The following ANKRD11 variants were observed in gnomAD, a reference collection of about 807,000 sequenced individuals.
The protein encoded by ANKRD11 is ankyrin repeat domain 11.
A neutral mutation model predicts 195.7 loss-of-function variants in ANKRD11; 17 were observed. The ratio of observed to expected loss-of-function variants is 0.09; its 90% CI spans 0.06 to 0.13. The LOEUF is 0.13. ANKRD11 is among the 10% of genes least tolerant of loss of function. The pLI, the probability that ANKRD11 is intolerant of heterozygous loss-of-function variation, is 1.00. For missense variants in ANKRD11, 3,735 were observed against 3,566.1 expected (o/e 1.05, Z -1.21); for synonymous variants, 1,953 against 1,528.1 (o/e 1.28, Z -6.49).
chr16:89,285,783 C>T lies in ANKRD11; in HGVS notation c.893-134G>A, dbSNP rs1192847884. On this transcript the variant is annotated intron_variant, in intron 8 of 12. Coordinates refer to ENST00000301030, the MANE Select transcript of ANKRD11 (RefSeq NM_013275.6). This position sits in a 1 kb window ranked among gnomAD's most constrained non-coding sequence, Gnocchi z 5.6. The stretch of plus-strand genomic sequence containing the variant: ...GCCTCTGCAGAGACACTTTGCTCGA[C>T]TCATGGAAACCAGCCACAGGCAGGA... 1.8e-6 allele frequency: 2 copies of T among 1,126,006 alleles called. No homozygotes were observed. Among genetic ancestry groups the T allele is most frequent in the East Asian group, 5.0e-5 (2 of 39,944 alleles). The allele number at this position is 1,126,006 out of a possible 1,614,324, so 69.8% of individuals were successfully genotyped here.
Position 89,283,247 on chromosome 16 carries a change from A to C in ANKRD11, c.3295T>G (p.Phe1099Val). Reference sequence around the variant, plus strand: ...TTCTTGTCATCTTTTTTTTCAGAGAAGTCTTCTGAGATGATCCCAGGGAAA... The same window carrying C: ...TTCTTGTCATCTTTTTTTTCAGAGACGTCTTCTGAGATGATCCCAGGGAAA... The part of the protein sequence containing the change: ...KAFPGIISED[F>V]SEKKDDKKGK... Residue 1099 changes from phenylalanine to valine, a missense_variant, in exon 9 of 13, where the codon TTC becomes GTC. Coordinates refer to ENST00000301030, the MANE Select transcript of ANKRD11 (RefSeq NM_013275.6). The surrounding 1 kb of genome is among the most constrained non-coding windows in gnomAD (Gnocchi z 4.3). 1.9e-6 allele frequency: 3 copies of C among 1,614,022 alleles called. No individual in the cohort carries two copies. Among genetic ancestry groups the C allele is most frequent in the Non-Finnish European group, 1.7e-6 (2 of 1,180,018 alleles).
chr16:89,346,650 G>A (rs2152015565), intron 2 of ANKRD11, among the ~76,000 whole-genome samples: 1 of 152,272 alleles, frequency 6.6e-6, no homozygotes, highest in Admixed American at 6.5e-5. Context: ...TGAGGGAGGA[G>A]GGAAACCAGA....
chr16:89,276,089 C>T (rs1003079226), intron 9 of ANKRD11, among the ~76,000 whole-genome samples: 2 of 152,198 alleles, frequency 1.3e-5, no homozygotes, highest in African/African-American at 4.8e-5. Flanking sequence ...GCTGGAACAT[C>T]GAGGGGCCAG....
intron 1 of ANKRD11, among the ~76,000 whole-genome samples, chr16:89,464,619 A>AAAAG (rs1567842383): frequency 6.6e-6 from 1 of 151,390 alleles, no homozygotes; most frequent in African/African-American, 2.4e-5. Context: ...AAAAAAAAAA[A>AAAAG]AAAAGAAAAG....
chr16:89,349,869 C>A (rs2039125378), intron 2 of ANKRD11, among the ~76,000 whole-genome samples: 1 of 77,928 alleles, frequency 1.3e-5, no homozygotes, highest in Admixed American at 1.1e-4. Flanking sequence ...AAAACACACA[C>A]ACACACACAC....
intron 2 of ANKRD11, among the ~76,000 whole-genome samples, chr16:89,401,334 C>T (rs1363603724): frequency 6.6e-6 from 1 of 152,092 alleles, no homozygotes; most frequent in African/African-American, 2.4e-5. Context: ...ACCTTGGCCT[C>T]CCAAAGTGCT....
intron 2 of ANKRD11, among the ~76,000 whole-genome samples, chr16:89,325,661 T>C (rs1235114639): frequency 2.0e-5 from 3 of 152,188 alleles, no homozygotes; most frequent in South Asian, 2.1e-4. Context: ...GGGTTCTAAG[T>C]GAAGGCTGCG....
intron 5 of ANKRD11, 64 bp downstream of exon 5, chr16:89,290,949 C>T: frequency 6.2e-7 from 1 of 1,610,518 alleles, no homozygotes. Context: ...TCAGCACAGC[C>T]ATGAGGCTGC....
Position 89,279,634 on chromosome 16 carries a change from G to A in ANKRD11, c.6908C>T (p.Ala2303Val), listed in dbSNP as rs1455195015. 1.4e-6 allele frequency: 2 copies of A among 1,438,192 alleles called. No homozygotes were observed. Among genetic ancestry groups the A allele is most frequent in the African/African-American group, 2.9e-5 (2 of 69,686 alleles). The allele number at this position is 1,438,192 out of a possible 1,614,324, so 89.1% of individuals were successfully genotyped here. ...CTGGATGCCGCCAGGAGGGCCTTCG[G>A]CTGGGGCGGCGGCACGGGAGGCCTC... is the stretch of plus-strand genomic sequence containing the variant. ...DTEASRAAAP[A>V]EGPPGGIQPE... Residue 2303 changes from alanine to valine, a missense_variant, in exon 9 of 13, where the codon GCC (alanine) becomes GTC (valine). Physicochemically the swap from Ala to Val is moderately conservative, Grantham distance 64. Transcript: ENST00000301030. This position sits in a 1 kb window ranked among gnomAD's most constrained non-coding sequence, Gnocchi z 5.6.
intron 1 of ANKRD11, among the ~76,000 whole-genome samples, chr16:89,451,611 T>C (rs962626212): frequency 6.6e-6 from 1 of 151,910 alleles, no homozygotes; most frequent in Non-Finnish European, 1.5e-5. Context: ...GAGACAGAAT[T>C]TCGCAGTGTT....
chr16:89,387,357 C>A (rs1358272210), intron 2 of ANKRD11, among the ~76,000 whole-genome samples: 1 of 152,120 alleles, frequency 6.6e-6, no homozygotes, highest in Non-Finnish European at 1.5e-5. Context: ...CTCTGCACCA[C>A]AGGTCTGTGA....
chr16:89,320,097 T>C (rs2037213210), intron 2 of ANKRD11: 1 of 152,282 alleles, frequency 6.6e-6, no homozygotes, highest in Non-Finnish European at 1.5e-5. Context: ...TGCTGACTCA[T>C]GGGTGTTGTC....
intron 1 of ANKRD11, among the ~76,000 whole-genome samples, chr16:89,442,169 C>T (rs1426270212): frequency 1.3e-5 from 2 of 152,252 alleles, no homozygotes; most frequent in Non-Finnish European, 2.9e-5. Context: ...GGGGAGGAGG[C>T]TCAGCAGAGG....
intron 4 of ANKRD11, among the ~76,000 whole-genome samples, chr16:89,298,512 G>A (rs1279011550): frequency 6.6e-6 from 1 of 152,248 alleles, no homozygotes. Context: ...CCACAGCATG[G>A]AGCCAGGAGG....
chr16:89,290,852 T>C (rs1366979411), intron 5 of ANKRD11, 24 bp from the exon 6 acceptor site: 4 of 1,612,454 alleles, frequency 2.5e-6, no homozygotes, highest in Non-Finnish European at 3.4e-6. Flanking sequence ...AGGGGACAGA[T>C]GGGCATTACT....
chr16:89,271,392 C>T (rs111804253), intron 11 of ANKRD11: 12,092 of 240,742 alleles, frequency 0.05, 411 homozygotes, highest in Middle Eastern at 0.096. Flanking sequence ...GCAGCCACCA[C>T]GCCCAGCTAA....
intron 2 of ANKRD11, among the ~76,000 whole-genome samples, chr16:89,414,983 G>A (rs1009972140): frequency 5.9e-5 from 9 of 152,074 alleles, no homozygotes; most frequent in African/African-American, 1.7e-4. Flanking sequence ...CTCACCCTGC[G>A]GCCCAGGCTG....
chr16:89,304,404 A>G (rs1194930791), intron 4 of ANKRD11, among the ~76,000 whole-genome samples: 1 of 151,742 alleles, frequency 6.6e-6, no homozygotes, highest in African/African-American at 2.4e-5. Context: ...ATGGGCATAC[A>G]CACATGAGCG....
Position 89,283,746 on chromosome 16 carries a change from G to A in ANKRD11, c.2796C>T (p.Gly932=). Reference sequence around the variant, plus strand: ...TCTTCTTGTCCTTTTCCGAAAGGTAGCCAGGGACACTTTTATGCTTTTCGG... The same window carrying A: ...TCTTCTTGTCCTTTTCCGAAAGGTAACCAGGGACACTTTTATGCTTTTCGG... ...EQTEKHKSVP[G]YLSEKDKKRR... Residue 932 remains glycine (G), a synonymous_variant, in exon 9 of 13, where the codon GGC becomes GGT. Coordinates refer to ENST00000301030, the MANE Select transcript of ANKRD11 (RefSeq NM_013275.6). The surrounding 1 kb of genome is among the most constrained non-coding windows in gnomAD (Gnocchi z 4.3). The A allele has an allele frequency of 6.2e-7, 1 of 1,613,506 alleles. No homozygotes were observed. The highest frequency in any genetic ancestry group is 2.2e-5 in the East Asian group (1 of 44,844).
Sources: allele counts gnomAD v4.1 joint callset (sites outside exome capture counted in the v4.1 genomes callset), GRCh38; gene constraint gnomAD v4.1.1; non-coding constraint Gnocchi (gnomAD v3.1); transcripts MANE v1.5; gene names NCBI Gene and HGNC (gene_info 2026-07-23, HGNC 2026-07-21).